Variants in ZNF521 observed in about 807,000 individuals in gnomAD.
ZNF521 encodes the protein zinc finger protein 521.
A neutral mutation model predicts 105.5 loss-of-function variants in ZNF521; 14 were observed. That is an observed-to-expected ratio of 0.13 (90% CI 0.09 to 0.21). The LOEUF is 0.21. ZNF521 is among the 10% of genes least tolerant of loss of function. The pLI is 1.00. For synonymous variants in ZNF521, 635 were observed against 606.0 expected (o/e 1.05, Z -0.70); for missense variants, 1,233 against 1,629.7 (o/e 0.76, Z 4.19).
intron 3 of ZNF521, among the ~76,000 whole-genome samples, chr18:25,236,396 C>T (rs112662930): frequency 0.045 from 6,819 of 151,950 alleles, 161 homozygotes; most frequent in Non-Finnish European, 0.055. Context: ...ATTAGCCGGG[C>T]GTGGTGGCAT....
At chr18:25,242,412 G>T (rs1907400357) in intron 3 of ZNF521, among the ~76,000 whole-genome samples, 2 of 152,104 alleles carry the variant, frequency 1.3e-5, no homozygotes, top group Non-Finnish European at 1.5e-5. Context: ...AAAGTTCAAA[G>T]ATCATGGTGT....
intron 5 of ZNF521, among the ~76,000 whole-genome samples, chr18:25,155,408 G>A (rs775751758): frequency 1.3e-5 from 2 of 152,146 alleles, no homozygotes; most frequent in Non-Finnish European, 2.9e-5. Flanking sequence ...CTCTGCAGAA[G>A]TTTTTTAGTT....
chr18:25,221,426 A>C (rs1169689628), intron 4 of ZNF521, among the ~76,000 whole-genome samples: 1 of 152,156 alleles, frequency 6.6e-6, no homozygotes, highest in African/African-American at 2.4e-5. Flanking sequence ...TAGTCTTTGA[A>C]AGATGGACAC....
At chr18:25,303,286 G>A (rs542747429) in intron 3 of ZNF521, among the ~76,000 whole-genome samples, 14 of 112,226 alleles carry the variant, frequency 1.2e-4, no homozygotes, top group African/African-American at 5.2e-4. Context: ...GTGTGTGTGT[G>A]TGTGTGTGTG....
chr18:25,102,162 C>T (rs917546120), intron 5 of ZNF521, among the ~76,000 whole-genome samples: 3 of 152,098 alleles, frequency 2.0e-5, no homozygotes, highest in Non-Finnish European at 2.9e-5. Flanking sequence ...AATAACACTC[C>T]TAATGCTCAG....
chr18:25,177,225 G>A (rs1398819657), intron 5 of ZNF521, among the ~76,000 whole-genome samples: 1 of 152,148 alleles, frequency 6.6e-6, no homozygotes. Context: ...TCAGGGGAGA[G>A]TATCTTTCCC....
At chr18:25,106,326 C>A (rs1283387409) in intron 5 of ZNF521, among the ~76,000 whole-genome samples, 3 of 151,904 alleles carry the variant, frequency 2.0e-5, no homozygotes, top group Non-Finnish European at 1.5e-5. Flanking sequence ...TGGAAAATAC[C>A]AGGAAAACCA....
chr18:25,256,031 GGTATATATATGAT>G (rs1224572246), intron 3 of ZNF521, among the ~76,000 whole-genome samples: 61 of 146,136 alleles, frequency 4.2e-4, no homozygotes, highest in African/African-American at 1.4e-3. Context: ...GTATATATAT[GGTATATATATGAT>G]ATATATATAT....
intron 5 of ZNF521, among the ~76,000 whole-genome samples, chr18:25,155,537 A>G (rs2035127273): frequency 6.6e-6 from 1 of 152,130 alleles, no homozygotes; most frequent in Non-Finnish European, 1.5e-5. Flanking sequence ...TCTTCTAGGA[A>G]TTTTATGGTT....
intron 5 of ZNF521, among the ~76,000 whole-genome samples, chr18:25,143,578 AGTATTT>A (rs2034890588): frequency 1.3e-5 from 2 of 152,206 alleles, no homozygotes; most frequent in Non-Finnish European, 2.9e-5. Flanking sequence ...TGACATATAT[AGTATTT>A]GTAACTATCT....
At chr18:25,066,490 G>C (rs1295744419) in intron 7 of ZNF521, among the ~76,000 whole-genome samples, 1 of 152,190 alleles carries the variant, frequency 6.6e-6, no homozygotes, top group Non-Finnish European at 1.5e-5. Flanking sequence ...GTGTTGGTGA[G>C]AACAGATGCG....
At chr18:25,252,061 A>C (rs984853995) in intron 3 of ZNF521, among the ~76,000 whole-genome samples, 2 of 152,216 alleles carry the variant, frequency 1.3e-5, no homozygotes, top group African/African-American at 4.8e-5. Flanking sequence ...CAGGGAAGTA[A>C]TAATAAGGTG....
chr18:25,156,269 C>T (rs1169413493), intron 5 of ZNF521, among the ~76,000 whole-genome samples: 5 of 152,150 alleles, frequency 3.3e-5, no homozygotes. Flanking sequence ...TTGTTTAATG[C>T]CACTCAATTA....
intron 7 of ZNF521, among the ~76,000 whole-genome samples, chr18:25,066,946 A>T (rs1296480662): frequency 1.3e-5 from 2 of 152,230 alleles, no homozygotes; most frequent in African/African-American, 4.8e-5. Context: ...TATGAGAAAA[A>T]ATATCTGTTC....
At chr18:25,265,120 T>G (rs1318653932) in intron 3 of ZNF521, among the ~76,000 whole-genome samples, 6 of 152,184 alleles carry the variant, frequency 3.9e-5, no homozygotes, top group Non-Finnish European at 7.3e-5. Context: ...CATACATTTT[T>G]AAAAATATTA....
chr18:25,285,060 A>AG (rs201861617), intron 3 of ZNF521, among the ~76,000 whole-genome samples: 11 of 151,122 alleles, frequency 7.3e-5, no homozygotes, highest in Non-Finnish European at 1.2e-4. Flanking sequence ...TGGCCAGAAA[A>AG]GGGAAAAAAA....
intron 2 of ZNF521, among the ~76,000 whole-genome samples, chr18:25,323,223 A>T (rs2145150662): frequency 6.6e-6 from 1 of 152,178 alleles, no homozygotes; most frequent in South Asian, 2.1e-4. Flanking sequence ...TCATAAATAA[A>T]CTATATCTCA....
chr18:25,223,968 A>G, intron 4 of ZNF521: 1 of 245,638 alleles, frequency 4.1e-6, no homozygotes, highest in Non-Finnish European at 8.0e-6. Context: ...GGTGGCTCAT[A>G]GCATCTTACT....
chr18:25,310,283 A>T (rs897203107), intron 3 of ZNF521, among the ~76,000 whole-genome samples: 3 of 152,172 alleles, frequency 2.0e-5, no homozygotes, highest in African/African-American at 7.2e-5. Flanking sequence ...ACACATACTA[A>T]TATTAATTAT....
Sources: gnomAD v4.1 joint callset for allele counts (sites outside exome capture counted in the v4.1 genomes callset) on GRCh38, gnomAD v4.1.1 for gene constraint, MANE v1.5 for transcripts, NCBI Gene and HGNC (gene_info 2026-07-23, HGNC 2026-07-21) for gene names.